PAFAH1B1: variants seen among roughly 807,000 people sequenced by gnomAD.
PAFAH1B1 encodes the protein platelet activating factor acetylhydrolase 1b regulatory subunit 1.
PAFAH1B1 carries 2 observed loss-of-function variants against 57.5 expected under a neutral mutation model. The observed-to-expected ratio is 0.03, with a 90% CI of 0.01 to 0.11. PAFAH1B1 has a LOEUF of 0.11. Among genes scored for constraint, PAFAH1B1 ranks in the 10% least tolerant of loss-of-function variants. The probability of loss-of-function intolerance (pLI) is 1.00; values close to 1 mark genes in which losing one functional copy is unlikely to be tolerated. For synonymous variants in PAFAH1B1, 152 were observed against 169.6 expected, an observed-to-expected ratio of 0.90 and a Z score of 0.81; for missense variants, 257 against 512.0, an observed-to-expected ratio of 0.50 and a Z score of 4.81.
At chr17:2,650,556 T>C (rs896116179) in intron 2 of PAFAH1B1, among the ~76,000 whole-genome samples, 1 of 142,320 alleles carries the variant, frequency 7.0e-6, no homozygotes, top group Non-Finnish European at 1.5e-5. Context: ...TCTTGGGACC[T>C]ACCTGGGAGG....
chr17:2,650,725 A>T (rs1253983412), intron 2 of PAFAH1B1, among the ~76,000 whole-genome samples: 1 of 151,996 alleles, frequency 6.6e-6, no homozygotes, highest in Non-Finnish European at 1.5e-5. Flanking sequence ...ATTTATAGAA[A>T]TATTTTCTTT....
Position 2,666,095 on chromosome 17 carries a change from C to CTAA in PAFAH1B1, c.192+6_192+8dup. ...GTTATTAGATTACAAAAGAAGGTAA[C>CTAA]TAAGTCTTTTTTCTTTAAAATTAGT... On this transcript the variant is annotated splice_donor_region_variant and intron_variant, in intron 4 of 10. Transcript: ENST00000397195. The CTAA allele has an allele frequency of 6.7e-7, 1 of 1,494,490 alleles. No individual in the cohort carries two copies. Among genetic ancestry groups the CTAA allele is most frequent in the Middle Eastern group, 2.3e-4 (1 of 4,340 alleles). The allele number at this position is 1,494,490 out of a possible 1,614,324, so 92.6% of individuals were successfully genotyped here.
At chr17:2,665,348 G>A (rs769600971) in intron 2 of PAFAH1B1, 24 bp from the exon 3 acceptor site, 2 of 1,324,316 alleles carry the variant, frequency 1.5e-6, no homozygotes, top group South Asian at 1.2e-5. Context: ...TTTTTTTTAG[G>A]AGTCATTTGA....
intron 9 of PAFAH1B1, among the ~76,000 whole-genome samples, chr17:2,678,067 G>T (rs2069300140): frequency 1.3e-5 from 2 of 150,936 alleles, no homozygotes; most frequent in African/African-American, 2.4e-5. Flanking sequence ...GACCAGCCTG[G>T]CCAACATGGT....
At chr17:2,653,275 TGAGGGGA>T (rs2068890903) in intron 2 of PAFAH1B1, among the ~76,000 whole-genome samples, 2 of 151,514 alleles carry the variant, frequency 1.3e-5, no homozygotes, top group African/African-American at 4.9e-5. Flanking sequence ...TGTCGTGAGG[TGAGGGGA>T]GAGGGGAGGG....
chr17:2,667,307 C>G, intron 5 of PAFAH1B1, 109 bp downstream of exon 5: 1 of 779,402 alleles, frequency 1.3e-6, no homozygotes, highest in Non-Finnish European at 2.2e-6. Flanking sequence ...GCACTCCAGC[C>G]TGGGCGACAG....
intron 1 of PAFAH1B1, among the ~76,000 whole-genome samples, chr17:2,594,821 G>A (rs1187325618): frequency 1.3e-5 from 2 of 152,216 alleles, no homozygotes; most frequent in African/African-American, 4.8e-5. Flanking sequence ...TTTGGGAAAC[G>A]CAGTGCCTCT....
chr17:2,633,961 CTTTTTTTT>C (rs553588827), intron 1 of PAFAH1B1, among the ~76,000 whole-genome samples: 7 of 119,744 alleles, frequency 5.8e-5, no homozygotes, highest in Non-Finnish European at 1.0e-4. Flanking sequence ...AGTACCAAAC[CTTTTTTTT>C]TTTTTTTTTT....
At chr17:2,617,889 A>C (rs191471539) in intron 1 of PAFAH1B1, among the ~76,000 whole-genome samples, 39 of 151,260 alleles carry the variant, frequency 2.6e-4, no homozygotes, top group African/African-American at 8.7e-4. Context: ...GCGCCATTGC[A>C]CTCCAGCCTG....
intron 5 of PAFAH1B1, 160 bp downstream of exon 5, chr17:2,667,358 G>C: frequency 1.6e-6 from 1 of 610,330 alleles, no homozygotes; most frequent in Non-Finnish European, 2.9e-6. Context: ...GACTTAATAG[G>C]GTGAAGAAAA....
chr17:2,676,245 G>A (rs1311641804), intron 8 of PAFAH1B1: 2 of 408,336 alleles, frequency 4.9e-6, no homozygotes, highest in Non-Finnish European at 9.2e-6. Flanking sequence ...ACATGTGGTG[G>A]TGCGTGCCTG....
At chr17:2,611,198 G>A (rs1158151137) in intron 1 of PAFAH1B1, among the ~76,000 whole-genome samples, 2 of 152,046 alleles carry the variant, frequency 1.3e-5, no homozygotes, top group Non-Finnish European at 2.9e-5. Context: ...GGCCAGGCGC[G>A]GTGACTCATG....
At chr17:2,627,862 T>G (rs1023299809) in intron 1 of PAFAH1B1, among the ~76,000 whole-genome samples, 1 of 152,220 alleles carries the variant, frequency 6.6e-6, no homozygotes, top group African/African-American at 2.4e-5. Context: ...GTTGAGTTCT[T>G]GATTTGATCC....
At chr17:2,597,340 G>C (rs2068094380) in intron 1 of PAFAH1B1, among the ~76,000 whole-genome samples, 1 of 149,264 alleles carries the variant, frequency 6.7e-6, no homozygotes, top group African/African-American at 2.5e-5. Context: ...GAGATTTTGA[G>C]ATGTTTCTGG....
At chr17:2,599,339 C>T (rs1024256318) in intron 1 of PAFAH1B1, among the ~76,000 whole-genome samples, 2 of 152,156 alleles carry the variant, frequency 1.3e-5, no homozygotes, top group African/African-American at 4.8e-5. Flanking sequence ...ATCACACATT[C>T]CTTCTTTCTA....
intron 1 of PAFAH1B1, among the ~76,000 whole-genome samples, chr17:2,628,735 G>A (rs1275665679): frequency 6.6e-6 from 1 of 151,890 alleles, no homozygotes; most frequent in African/African-American, 2.4e-5. Flanking sequence ...TTTTTTGTTG[G>A]TAATTTCTTA....
At chr17:2,640,252 T>C (rs1187951225) in intron 2 of PAFAH1B1, 1 of 152,140 alleles carries the variant, frequency 6.6e-6, no homozygotes, top group Non-Finnish European at 1.5e-5. Flanking sequence ...ATCAGTTGAT[T>C]CCATAATGTC....
chr17:2,676,636 T>C (rs2069272441), intron 9 of PAFAH1B1, 30 bp downstream of exon 9: 1 of 1,267,844 alleles, frequency 7.9e-7, no homozygotes, highest in Admixed American at 1.7e-5. Context: ...CCATTTCTTT[T>C]GCATCTTCAC....
At chr17:2,635,953 CAAAAA>C (rs560825633) in intron 1 of PAFAH1B1, among the ~76,000 whole-genome samples, 11 of 70,868 alleles carry the variant, frequency 1.6e-4, no homozygotes, top group Admixed American at 1.3e-3. Context: ...TAGAAAAATA[CAAAAA>C]AAAAAAAAAA....
Sources: allele counts gnomAD v4.1 joint callset (sites outside exome capture counted in the v4.1 genomes callset), GRCh38; gene constraint gnomAD v4.1.1; transcripts MANE v1.5; gene names NCBI Gene and HGNC (gene_info 2026-07-23, HGNC 2026-07-21).